CA10: variants seen among roughly 807,000 people sequenced by gnomAD.
The protein encoded by CA10 is carbonic anhydrase 10 (inactive).
CA10 carries 14 observed loss-of-function variants against 44.2 expected under a neutral mutation model. That is an observed-to-expected ratio of 0.32 (90% CI 0.21 to 0.50). The LOEUF (loss-of-function observed/expected upper bound fraction) is 0.50, where lower values mean the gene tolerates loss of function less well. Among genes scored for constraint, CA10 ranks in the 20% least tolerant of loss-of-function variants. The pLI is 0.99. For missense variants in CA10, 350 were observed against 409.7 expected (o/e 0.85, Z 1.26); for synonymous variants, 159 against 141.6 (o/e 1.12, Z -0.87).
chr17:52,148,918 C>A (rs772062386), intron 1 of CA10, among the ~76,000 whole-genome samples: 7 of 152,172 alleles, frequency 4.6e-5, no homozygotes, highest in Non-Finnish European at 7.3e-5. Context: ...ATACATTTAA[C>A]ACTGGGAAAA....
intron 3 of CA10, among the ~76,000 whole-genome samples, chr17:51,802,499 T>A (rs1257068715): frequency 6.9e-6 from 1 of 144,774 alleles, no homozygotes; most frequent in East Asian, 2.1e-4. Context: ...CCCCTCAGGC[T>A]AGTGCCTTCA....
chr17:52,065,797 T>C (rs554947565), intron 2 of CA10, among the ~76,000 whole-genome samples: 25 of 152,350 alleles, frequency 1.6e-4, no homozygotes, highest in African/African-American at 5.8e-4. Context: ...CTTTTGCCCA[T>C]TGATATGGTT....
chr17:52,139,074 C>A (rs919847075), intron 1 of CA10, among the ~76,000 whole-genome samples: 3 of 152,126 alleles, frequency 2.0e-5, no homozygotes, highest in African/African-American at 7.2e-5. Context: ...TGGTAAATTG[C>A]GCTGTTCTTT....
At chr17:51,797,436 T>C (rs575416138) in intron 3 of CA10, among the ~76,000 whole-genome samples, 1 of 152,206 alleles carries the variant, frequency 6.6e-6, no homozygotes, top group South Asian at 2.1e-4. Context: ...AATCCAGTCG[T>C]TCTTAAACTT....
intron 1 of CA10, among the ~76,000 whole-genome samples, chr17:52,142,348 T>C (rs1267739702): frequency 6.6e-6 from 1 of 152,200 alleles, no homozygotes; most frequent in Non-Finnish European, 1.5e-5. Flanking sequence ...CTTCCTCCTT[T>C]ACAAAGAGAC....
chr17:51,986,932 T>C (rs533561529), intron 2 of CA10, among the ~76,000 whole-genome samples: 29 of 152,198 alleles, frequency 1.9e-4, no homozygotes, highest in African/African-American at 6.7e-4. Context: ...CTACAACCAC[T>C]ATGGAAAACT....
chr17:52,077,646 A>C (rs1043932902), intron 1 of CA10, among the ~76,000 whole-genome samples: 1 of 152,270 alleles, frequency 6.6e-6, no homozygotes, highest in Middle Eastern at 3.4e-3. Flanking sequence ...TTTACAAAAA[A>C]AAAAAAAAAA....
At chr17:51,826,185 G>A (rs947244305) in intron 3 of CA10, among the ~76,000 whole-genome samples, 3 of 152,240 alleles carry the variant, frequency 2.0e-5, no homozygotes, top group Middle Eastern at 3.4e-3. Context: ...CTATATACAC[G>A]TGGAAGAACT....
At chr17:51,946,691 TG>T (rs1983286189) in intron 2 of CA10, among the ~76,000 whole-genome samples, 2 of 152,222 alleles carry the variant, frequency 1.3e-5, no homozygotes, top group Admixed American at 1.3e-4. Flanking sequence ...TTTTCCTCAA[TG>T]CTCCTTACAT....
chr17:51,840,801 G>A (rs1978313183), intron 3 of CA10, among the ~76,000 whole-genome samples: 1 of 152,134 alleles, frequency 6.6e-6, no homozygotes, highest in African/African-American at 2.4e-5. Context: ...CAAAACCACA[G>A]TGAAAAAAAG....
chr17:51,775,811 A>C (rs1905796742), intron 3 of CA10, among the ~76,000 whole-genome samples: 1 of 152,186 alleles, frequency 6.6e-6, no homozygotes, highest in African/African-American at 2.4e-5. Flanking sequence ...GGAAGAGGCC[A>C]AGCAGAGTAT....
intron 3 of CA10, among the ~76,000 whole-genome samples, chr17:51,923,370 A>G (rs1055989969): frequency 2.0e-5 from 3 of 152,134 alleles, no homozygotes. Flanking sequence ...TACCTCTTCC[A>G]TAAAGTCTTG....
At chr17:52,125,548 T>C (rs957979585) in intron 1 of CA10, among the ~76,000 whole-genome samples, 4 of 152,154 alleles carry the variant, frequency 2.6e-5, no homozygotes, top group Non-Finnish European at 4.4e-5. Flanking sequence ...CTGCCTGCCA[T>C]CCAGGAGTAC....
At chr17:51,950,167 A>G (rs1424738068) in intron 2 of CA10, among the ~76,000 whole-genome samples, 1 of 152,012 alleles carries the variant, frequency 6.6e-6, no homozygotes, top group Admixed American at 6.6e-5. Flanking sequence ...TCTGTCCACT[A>G]GCCACTTGGT....
At chr17:51,932,285 AC>A (rs1982696919) in intron 2 of CA10, among the ~76,000 whole-genome samples, 1 of 152,206 alleles carries the variant, frequency 6.6e-6, no homozygotes, top group African/African-American at 2.4e-5. Context: ...TCTTAAATGG[AC>A]CTGTCCTCTC....
chr17:51,673,223 G>A (rs1429729241), intron 4 of CA10, among the ~76,000 whole-genome samples: 2 of 152,182 alleles, frequency 1.3e-5, no homozygotes, highest in Non-Finnish European at 2.9e-5. Context: ...TTGGCATTTG[G>A]TAAGCAGGAA....
At chr17:51,710,661 G>C (rs111364001) in intron 4 of CA10, among the ~76,000 whole-genome samples, 2 of 152,176 alleles carry the variant, frequency 1.3e-5, no homozygotes, top group African/African-American at 2.4e-5. Context: ...GGGTGGTAAG[G>C]GTCCCTGCAA....
intron 3 of CA10, among the ~76,000 whole-genome samples, chr17:51,785,999 T>C (rs1243381321): frequency 1.3e-5 from 2 of 152,182 alleles, no homozygotes; most frequent in Non-Finnish European, 2.9e-5. Context: ...TCATCAGTGT[T>C]TTATTGTTTT....
intron 4 of CA10, among the ~76,000 whole-genome samples, chr17:51,725,926 G>C (rs1003817830): frequency 6.6e-6 from 1 of 152,174 alleles, no homozygotes; most frequent in Non-Finnish European, 1.5e-5. Flanking sequence ...ACAAAAAAAT[G>C]TGAAGTGTAA....
Sources: gnomAD v4.1 joint callset for allele counts (sites outside exome capture counted in the v4.1 genomes callset) on GRCh38, gnomAD v4.1.1 for gene constraint, MANE v1.5 for transcripts, NCBI Gene and HGNC (gene_info 2026-07-23, HGNC 2026-07-21) for gene names.